CLSTN2: variants seen among roughly 807,000 people sequenced by gnomAD.
CLSTN2 encodes the protein calsyntenin 2.
CLSTN2 carries 48 observed loss-of-function variants against 101.2 expected under a neutral mutation model. That is an observed-to-expected ratio of 0.47 (90% CI 0.38 to 0.60). CLSTN2 has a LOEUF of 0.60. Among genes scored for constraint, CLSTN2 ranks in the 20% least tolerant of loss-of-function variants. The pLI, the probability that CLSTN2 is intolerant of heterozygous loss-of-function variation, is 0.00. For synonymous variants in CLSTN2, 481 were observed against 463.6 expected (o/e 1.04, Z -0.48); for missense variants, 1,160 against 1,238.2 (o/e 0.94, Z 0.95).
At chr3:140,278,715 A>G (rs538734999) in intron 2 of CLSTN2, among the ~76,000 whole-genome samples, 34 of 152,214 alleles carry the variant, frequency 2.2e-4, no homozygotes, top group Admixed American at 8.5e-4. Context: ...CAGTTCCCTT[A>G]AAGGTGTTTT....
At chr3:140,170,208 C>T (rs558333073) in intron 1 of CLSTN2, among the ~76,000 whole-genome samples, 11 of 152,264 alleles carry the variant, frequency 7.2e-5, no homozygotes, top group African/African-American at 2.6e-4. Context: ...TCAAAATGAT[C>T]ATTTGACCAC....
chr3:139,936,408 C>T (rs1935022510), intron 1 of CLSTN2, among the ~76,000 whole-genome samples: 1 of 152,148 alleles, frequency 6.6e-6, no homozygotes, highest in Non-Finnish European at 1.5e-5. Context: ...CTAGCTGGGG[C>T]GCACAGCTTA....
intron 1 of CLSTN2, among the ~76,000 whole-genome samples, chr3:140,076,153 T>G (rs1048713032): frequency 6.6e-6 from 1 of 152,216 alleles, no homozygotes; most frequent in Non-Finnish European, 1.5e-5. Context: ...AGTGGAATCC[T>G]ACAGTATTTG....
intron 1 of CLSTN2, among the ~76,000 whole-genome samples, chr3:140,092,366 G>A (rs1240023885): frequency 1.3e-5 from 2 of 152,214 alleles, no homozygotes; most frequent in Non-Finnish European, 2.9e-5. Context: ...TGGGCACAGA[G>A]AACTGAACAT....
chr3:140,156,307 A>G (rs2009953099), intron 1 of CLSTN2, among the ~76,000 whole-genome samples: 1 of 152,062 alleles, frequency 6.6e-6, no homozygotes, highest in Non-Finnish European at 1.5e-5. Context: ...ATTACAATTT[A>G]CTCTAAATCA....
At chr3:140,312,385 T>C (rs1309585553) in intron 2 of CLSTN2, among the ~76,000 whole-genome samples, 5 of 152,242 alleles carry the variant, frequency 3.3e-5, no homozygotes, top group Admixed American at 2.6e-4. Flanking sequence ...ACCTGCTCTA[T>C]CATTATCGCA....
At chr3:140,474,184 AT>A (rs1224320626) in intron 8 of CLSTN2, among the ~76,000 whole-genome samples, 2 of 152,132 alleles carry the variant, frequency 1.3e-5, no homozygotes, top group African/African-American at 4.8e-5. Context: ...CCTCAGGCTC[AT>A]AAATCAATCC....
chr3:140,048,419 A>G (rs1031294423), intron 1 of CLSTN2, among the ~76,000 whole-genome samples: 2 of 152,238 alleles, frequency 1.3e-5, no homozygotes, highest in Non-Finnish European at 2.9e-5. Context: ...TCCTGCCTAC[A>G]TACTGAATGA....
chr3:140,535,056 T>G (rs940789524), intron 9 of CLSTN2, among the ~76,000 whole-genome samples: 1 of 152,234 alleles, frequency 6.6e-6, no homozygotes, highest in Admixed American at 6.5e-5. Flanking sequence ...TGGAGACCTA[T>G]ATACTAATAG....
At chr3:140,335,247 C>T (rs1342805199) in intron 2 of CLSTN2, among the ~76,000 whole-genome samples, 2 of 152,220 alleles carry the variant, frequency 1.3e-5, no homozygotes. Flanking sequence ...CCCTTTGGAC[C>T]TGGTGACCCA....
intron 2 of CLSTN2, among the ~76,000 whole-genome samples, chr3:140,400,919 C>A (rs2088234336): frequency 1.3e-5 from 2 of 152,206 alleles, no homozygotes; most frequent in Non-Finnish European, 2.9e-5. Flanking sequence ...GCCCTCCCTG[C>A]CTTGCCTGAC....
chr3:140,058,881 G>A (rs1576412727), intron 1 of CLSTN2, among the ~76,000 whole-genome samples: 2 of 152,298 alleles, frequency 1.3e-5, no homozygotes, highest in South Asian at 4.1e-4. Flanking sequence ...AAGCCAGAGG[G>A]AGGCTGCTGT....
At chr3:140,461,999 T>TTCAAATAATGAAAAAA (rs1933575596) in intron 7 of CLSTN2, among the ~76,000 whole-genome samples, 1 of 152,094 alleles carries the variant, frequency 6.6e-6, no homozygotes, top group Non-Finnish European at 1.5e-5. Context: ...TCAAAATTTT[T>TTCAAATAATGAAAAAA]TTCAAGTCAT....
chr3:139,993,227 G>A (rs898509679), intron 1 of CLSTN2, among the ~76,000 whole-genome samples: 5 of 152,012 alleles, frequency 3.3e-5, no homozygotes, highest in Admixed American at 3.3e-4. Flanking sequence ...CTCTTGGTGG[G>A]TAATTTAGGC....
At chr3:140,493,998 T>C (rs1157826495) in intron 8 of CLSTN2, among the ~76,000 whole-genome samples, 1 of 152,244 alleles carries the variant, frequency 6.6e-6, no homozygotes, top group Non-Finnish European at 1.5e-5. Flanking sequence ...ATGTCTTTTT[T>C]TGAAAACCCA....
chr3:140,287,227 C>T (rs763837342), intron 2 of CLSTN2, among the ~76,000 whole-genome samples: 11 of 152,088 alleles, frequency 7.2e-5, no homozygotes, highest in African/African-American at 1.2e-4. Context: ...TGATACAACA[C>T]GGATGAATCT....
At chr3:140,122,064 A>C (rs2009350272) in intron 1 of CLSTN2, among the ~76,000 whole-genome samples, 1 of 152,224 alleles carries the variant, frequency 6.6e-6, no homozygotes, top group African/African-American at 2.4e-5. Context: ...GTTTTGATCC[A>C]ATCAGGAGCA....
At chr3:140,343,429 T>G (rs1272387792) in intron 2 of CLSTN2, among the ~76,000 whole-genome samples, 1 of 152,206 alleles carries the variant, frequency 6.6e-6, no homozygotes, top group African/African-American at 2.4e-5. Context: ...TGAGGTTAGC[T>G]CAACAAAAAA....
intron 8 of CLSTN2, among the ~76,000 whole-genome samples, chr3:140,511,170 C>G (rs1934805724): frequency 6.6e-6 from 1 of 152,150 alleles, no homozygotes. Flanking sequence ...GCTTCCAACT[C>G]CATCCATGTC....
Sources: allele counts gnomAD v4.1 joint callset (sites outside exome capture counted in the v4.1 genomes callset), GRCh38; gene constraint gnomAD v4.1.1; transcripts MANE v1.5; gene names NCBI Gene and HGNC (gene_info 2026-07-23, HGNC 2026-07-21).